EP300: variants seen among roughly 807,000 people sequenced by gnomAD.
EP300 encodes EP300 lysine acetyltransferase.
In EP300, 31 loss-of-function variants were observed where a neutral mutation model predicts 264.0. The observed-to-expected ratio is 0.12, with a 90% CI of 0.09 to 0.16. The LOEUF is 0.16. Among genes scored for constraint, EP300 ranks in the 10% least tolerant of loss-of-function variants. The pLI is 1.00. For synonymous variants in EP300, 1,340 were observed against 1,045.4 expected (o/e 1.28, Z -5.44); for missense variants, 2,766 against 3,052.9 (o/e 0.91, Z 2.21).
intron 2 of EP300, among the ~76,000 whole-genome samples, chr22:41,122,674 TG>T (rs938644055): frequency 6.6e-6 from 1 of 152,180 alleles, no homozygotes; most frequent in Non-Finnish European, 1.5e-5. Context: ...TACATTTTTT[TG>T]TTTTTTTTAA....
chr22:41,177,805 G>C lies in EP300; in HGVS notation c.6094G>C (p.Gly2032Arg), dbSNP rs201324169. The C allele has an allele frequency of 1.2e-6, 2 of 1,614,060 alleles. No individual in the cohort carries two copies. The highest frequency in any genetic ancestry group is 4.5e-5 in the East Asian group (2 of 44,888). ...ACCTTTGAACATGGCTCCACAACCAGGATTGGGCCAGGTAGGTATCAGCCC... is the reference window on the plus strand; with the variant it reads ...ACCTTTGAACATGGCTCCACAACCACGATTGGGCCAGGTAGGTATCAGCCC... ...GQPLNMAPQP[G>R]LGQVGISPLK... Residue 2032 changes from glycine to arginine, a missense_variant, in exon 31 of 31, where the codon GGA becomes CGA. By Grantham distance (125) the Gly-to-Arg change is moderately radical (BLOSUM62 -2). Transcript: ENST00000263253.
At chr22:41,153,155 C>CCAGGAAGCAGACCCAGG (rs2059056977) in intron 16 of EP300, among the ~76,000 whole-genome samples, 1 of 152,122 alleles carries the variant, frequency 6.6e-6, no homozygotes, top group Non-Finnish European at 1.5e-5. Context: ...ACTGCCTGGG[C>CCAGGAAGCAGACCCAGG]CAGGAAGCAG....
chr22:41,131,334 CTT>C, intron 5 of EP300, 52 bp from the exon 6 acceptor site: 6 of 1,586,514 alleles, frequency 3.8e-6, no homozygotes, highest in South Asian at 2.2e-5. Context: ...ACATGTTAGT[CTT>C]TTTTTTCTCA....
intron 27 of EP300, among the ~76,000 whole-genome samples, chr22:41,170,993 C>T (rs2059167594): frequency 7.2e-6 from 1 of 139,080 alleles, no homozygotes; most frequent in Admixed American, 7.7e-5. Flanking sequence ...AAAAGTCTTG[C>T]TTGTTCTACC....
chr22:41,125,112 CTTTTTTTTT>C (rs930135062), intron 2 of EP300, among the ~76,000 whole-genome samples: 1 of 80,348 alleles, frequency 1.2e-5, no homozygotes, highest in Non-Finnish European at 2.3e-5. Context: ...CTTTTCTTTC[CTTTTTTTTT>C]TTTTTTTTTT....
chr22:41,096,860 C>A (rs1230554159), intron 1 of EP300, among the ~76,000 whole-genome samples: 1 of 152,110 alleles, frequency 6.6e-6, no homozygotes, highest in Non-Finnish European at 1.5e-5. Flanking sequence ...CTCAGGTGAT[C>A]CACCCGCCTC....
chr22:41,094,816 T>A (rs1255396569), intron 1 of EP300, among the ~76,000 whole-genome samples: 1 of 152,186 alleles, frequency 6.6e-6, no homozygotes, highest in Non-Finnish European at 1.5e-5. Context: ...GGGAAACTTT[T>A]TTGTGTACTT....
intron 6 of EP300, among the ~76,000 whole-genome samples, chr22:41,134,828 A>G (rs947235757): frequency 5.9e-5 from 9 of 152,204 alleles, no homozygotes; most frequent in African/African-American, 2.2e-4. Flanking sequence ...GGTAATGGAA[A>G]GTTGGACCTG....
rs769750942 is a variant in EP300, at chr22:41,137,660, A to T, written c.1630A>T (p.Met544Leu). The T allele has an allele frequency of 6.2e-7, 1 of 1,614,164 alleles. No homozygotes were observed. The change falls in exon 8 of 31, where the codon ATG (methionine) becomes TTG (leucine). Residue 544 changes from methionine (M) to leucine (L), a missense_variant. Transcript: ENST00000263253. ...HSAINSQNPM[M>L]SENASVPSLG... ...GGTGACCCCTTTTTGAAGCCCAATGATGAGTGAAAATGCCAGTGTGCCCTC... is the reference window on the plus strand; with the variant it reads ...GGTGACCCCTTTTTGAAGCCCAATGTTGAGTGAAAATGCCAGTGTGCCCTC...
chr22:41,119,175 A>ATTATTAT (rs1301631658), intron 2 of EP300, among the ~76,000 whole-genome samples: 12 of 112,988 alleles, frequency 1.1e-4, no homozygotes, highest in African/African-American at 4.7e-4. Context: ...GCTTATTATT[A>ATTATTAT]TTTTTTTTTT....
intron 1 of EP300, among the ~76,000 whole-genome samples, chr22:41,095,146 C>G (rs1029552251): frequency 6.6e-6 from 1 of 151,536 alleles, no homozygotes; most frequent in African/African-American, 2.4e-5. Context: ...TTAATTGTAA[C>G]CAGTCTGGGT....
chr22:41,104,569 C>T (rs998304239), intron 1 of EP300, among the ~76,000 whole-genome samples: 1 of 152,042 alleles, frequency 6.6e-6, no homozygotes, highest in Non-Finnish European at 1.5e-5. Context: ...GGGTTACAGG[C>T]GTGAGCCACC....
rs750535734 is a variant in EP300, at chr22:41,164,068, A to G, written c.3744A>G (p.Thr1248=). 2 of 1,614,178 alleles carry G rather than the reference A, an allele frequency of 1.2e-6. No homozygotes were observed. The highest frequency in any genetic ancestry group is 2.2e-5 in the East Asian group (1 of 44,876). The change falls in exon 22 of 31, where the codon ACA becomes ACG. Residue 1248 remains threonine (T), a synonymous_variant. Coordinates refer to ENST00000263253, the MANE Select transcript of EP300 (RefSeq NM_001429.4). Reference sequence around the variant, plus strand: ...GCTCTTCCAGGTTTGTTGAATGTACAGAGTGCGGAAGAAAGATGCATCAGA... The same window carrying G: ...GCTCTTCCAGGTTTGTTGAATGTACGGAGTGCGGAAGAAAGATGCATCAGA... ...TLDPELFVEC[T]ECGRKMHQIC...
intron 1 of EP300, among the ~76,000 whole-genome samples, chr22:41,112,481 G>A (rs2058798005): frequency 6.6e-6 from 1 of 152,218 alleles, no homozygotes; most frequent in Non-Finnish European, 1.5e-5. Context: ...TTACAGGCGT[G>A]AGCCACTGTG....
intron 2 of EP300, among the ~76,000 whole-genome samples, chr22:41,120,147 A>G (rs551091664): frequency 1.3e-5 from 2 of 152,204 alleles, no homozygotes; most frequent in Non-Finnish European, 2.9e-5. Flanking sequence ...TTTGTAGAGT[A>G]CTTATATCAG....
chr22:41,108,812 A>T (rs1351064292), intron 1 of EP300, among the ~76,000 whole-genome samples: 1 of 152,226 alleles, frequency 6.6e-6, no homozygotes, highest in Non-Finnish European at 1.5e-5. Context: ...GTCTTACTGG[A>T]GATAGTTCCT....
chr22:41,119,803 G>A (rs986152918), intron 2 of EP300, among the ~76,000 whole-genome samples: 1 of 152,022 alleles, frequency 6.6e-6, no homozygotes, highest in Non-Finnish European at 1.5e-5. Context: ...TCTGTTAAAC[G>A]ATATTTTATT....
intron 10 of EP300, among the ~76,000 whole-genome samples, chr22:41,144,672 T>C (rs1569104850): frequency 6.6e-6 from 1 of 152,088 alleles, no homozygotes; most frequent in African/African-American, 2.4e-5. Context: ...ATATTTATCT[T>C]AAAAAATAGT....
In EP300 at chr22:41,149,090, T is replaced by TTCCTCAGACTCAGTTCCC. The variant is rs1569106942; in HGVS notation, c.2295_2312dup (p.Pro766_Pro771dup). ...CAGCCTTCCAACCAGGGCCAGTTCC[T>TTCCTCAGACTCAGTTCCC]TCCTCAGACTCAGTTCCCATCACAG... On this transcript the variant is annotated inframe_insertion, in exon 13 of 31. Coordinates refer to ENST00000263253, the MANE Select transcript of EP300 (RefSeq NM_001429.4). 1 of 1,613,906 alleles carries TTCCTCAGACTCAGTTCCC rather than the reference T, an allele frequency of 6.2e-7. No individual in the cohort carries two copies. Among genetic ancestry groups the TTCCTCAGACTCAGTTCCC allele is most frequent in the Non-Finnish European group, 8.5e-7 (1 of 1,179,928 alleles).
Sources: gnomAD v4.1 joint callset for allele counts (sites outside exome capture counted in the v4.1 genomes callset) on GRCh38, gnomAD v4.1.1 for gene constraint, MANE v1.5 for transcripts, NCBI Gene and HGNC (gene_info 2026-07-23, HGNC 2026-07-21) for gene names.